The following SNX29 variants were observed in gnomAD, a reference collection of about 807,000 sequenced individuals.
SNX29 encodes sorting nexin 29.
In SNX29, 78 loss-of-function variants were observed where a neutral mutation model predicts 102.1. The observed-to-expected ratio is 0.76, with a 90% CI of 0.64 to 0.92. The LOEUF is 0.92. SNX29 is among the 40% of genes least tolerant of loss of function. SNX29 has a pLI of 0.00. For missense variants in SNX29, 1,280 were observed against 1,061.7 expected (o/e 1.21, Z -2.86); for synonymous variants, 580 against 414.5 (o/e 1.40, Z -4.85).
At chr16:12,299,394 T>C (rs894550386) in intron 15 of SNX29, among the ~76,000 whole-genome samples, 1 of 152,252 alleles carries the variant, frequency 6.6e-6, no homozygotes, top group Non-Finnish European at 1.5e-5. Context: ...AGTTGTCCTA[T>C]CTTCAGCCCA....
At chr16:12,267,245 A>AGTGTGTGTGTGTGT (rs59796551) in intron 14 of SNX29, among the ~76,000 whole-genome samples, 28 of 150,676 alleles carry the variant, frequency 1.9e-4, no homozygotes, top group Admixed American at 4.6e-4. Flanking sequence ...CATGGGTGCG[A>AGTGTGTGTGTGTGT]GTGTGTGTGT....
At chr16:12,002,859 G>T in intron 2 of SNX29, 132 bp from the exon 3 acceptor site, 1 of 919,760 alleles carries the variant, frequency 1.1e-6, no homozygotes, top group South Asian at 1.5e-5. Context: ...GGACAGGGAC[G>T]TCCTCACTTG....
chr16:12,565,748 G>T (rs1182586661), intron 20 of SNX29, among the ~76,000 whole-genome samples: 1 of 152,038 alleles, frequency 6.6e-6, no homozygotes, highest in Non-Finnish European at 1.5e-5. Context: ...CCTCCCCATG[G>T]GCCTGCCACC....
chr16:12,039,827 C>G (rs2057577331), intron 4 of SNX29, among the ~76,000 whole-genome samples: 1 of 152,192 alleles, frequency 6.6e-6, no homozygotes, highest in Non-Finnish European at 1.5e-5. Context: ...AACTGTGTTG[C>G]TGGGCGAGTC....
chr16:12,369,052 G>C (rs2082588239), intron 16 of SNX29, among the ~76,000 whole-genome samples: 1 of 151,988 alleles, frequency 6.6e-6, no homozygotes, highest in South Asian at 2.1e-4. Context: ...ACTGCCCCCA[G>C]ACTCCACTCA....
At chr16:12,106,368 G>A (rs935110088) in intron 11 of SNX29, among the ~76,000 whole-genome samples, 4 of 152,050 alleles carry the variant, frequency 2.6e-5, no homozygotes, top group Non-Finnish European at 5.9e-5. Context: ...ACTCTTCTTG[G>A]TGGTGCCATT....
chr16:12,232,181 T>C (rs1395632400), intron 14 of SNX29, among the ~76,000 whole-genome samples: 6 of 152,202 alleles, frequency 3.9e-5, no homozygotes, highest in Non-Finnish European at 7.4e-5. Context: ...AAAGGGCTTA[T>C]GGCCATTAAG....
At chr16:12,169,754 T>G (rs370517925) in intron 13 of SNX29, among the ~76,000 whole-genome samples, 1 of 151,962 alleles carries the variant, frequency 6.6e-6, no homozygotes, top group African/African-American at 2.4e-5. Flanking sequence ...CCAGCTACTT[T>G]GGGAGGCTGA....
At chr16:12,309,744 G>A (rs940402711) in intron 15 of SNX29, among the ~76,000 whole-genome samples, 1 of 152,166 alleles carries the variant, frequency 6.6e-6, no homozygotes, top group Non-Finnish European at 1.5e-5. Flanking sequence ...CCGCCAGTTA[G>A]TATCTGGCTG....
rs1038307208 is a variant in SNX29 at position 12,572,776 on chromosome 16, C to T, written c.*4147C>T. 7.5e-6 allele frequency: 8 copies of T among 1,063,724 alleles called. No homozygotes were observed. Among genetic ancestry groups the T allele is most frequent in the South Asian group, 9.1e-5 (2 of 21,982 alleles). The allele number at this position is 1,063,724 out of a possible 1,614,324, so 65.9% of individuals were successfully genotyped here. On this transcript the variant is annotated 3_prime_UTR_variant, in exon 21 of 21. Coordinates refer to ENST00000566228, the MANE Select transcript of SNX29 (RefSeq NM_032167.5). ...AGCTTCTGGGACCCGAGGAAGACCC[C>T]ACCTCACTCCTCCTTCCCCAGTACA... is the stretch of plus-strand genomic sequence containing the variant.
In SNX29 at chr16:12,543,151, C is replaced by A. The variant is rs145473797; in HGVS notation, c.2318+18310C>A. Among the ~76,000 whole-genome samples the A allele has an allele frequency of 3.9e-3, 596 of 152,268 alleles. 5 individuals carry two copies. Among genetic ancestry groups the A allele is most frequent in the African/African-American group, 0.014 (572 of 41,546 alleles). ...GATGGTTTAGATCCAGGCCCTGAAG[C>A]ATAAGTGTTCTCATCAGCTCCTGTA... On this transcript the variant is annotated intron_variant, in intron 20 of 20. Transcript: ENST00000566228.
chr16:12,223,591 G>C (rs1444896578), intron 14 of SNX29, among the ~76,000 whole-genome samples: 1 of 152,220 alleles, frequency 6.6e-6, no homozygotes, highest in African/African-American at 2.4e-5. Context: ...TTGAACCCAG[G>C]AGATGGAGGT....
chr16:12,565,062 A>C (rs1441973507), intron 20 of SNX29, among the ~76,000 whole-genome samples: 1 of 152,114 alleles, frequency 6.6e-6, no homozygotes, highest in African/African-American at 2.4e-5. Flanking sequence ...CCCTGTAGCA[A>C]AGGGGCCCAG....
At chr16:12,481,515 C>T (rs8044967) in intron 19 of SNX29, among the ~76,000 whole-genome samples, 15,109 of 68,714 alleles carry the variant, frequency 0.22, 1,005 homozygotes, top group African/African-American at 0.34. Flanking sequence ...TACATATAGA[C>T]ACACACACAC....
At chr16:12,065,217 C>T (rs542331939) in intron 9 of SNX29, among the ~76,000 whole-genome samples, 2 of 152,132 alleles carry the variant, frequency 1.3e-5, no homozygotes, top group African/African-American at 2.4e-5. Context: ...CAAGAGGAGA[C>T]CCCAGACAAG....
At chr16:12,348,072 T>C (rs2081870986) in intron 15 of SNX29, among the ~76,000 whole-genome samples, 1 of 151,180 alleles carries the variant, frequency 6.6e-6, no homozygotes, top group East Asian at 1.9e-4. Flanking sequence ...AATAAGACCT[T>C]GTCTCTGGAA....
At chr16:12,538,295 G>A (rs576973148) in intron 20 of SNX29, among the ~76,000 whole-genome samples, 1 of 151,778 alleles carries the variant, frequency 6.6e-6, no homozygotes, top group African/African-American at 2.4e-5. Context: ...TTGTATTTTT[G>A]TTTTTTAGTA....
chr16:12,554,235 C>A (rs574572504), intron 20 of SNX29, among the ~76,000 whole-genome samples: 1 of 152,220 alleles, frequency 6.6e-6, no homozygotes, highest in African/African-American at 2.4e-5. Context: ...GTGAACATCT[C>A]CCTCGGCTGC....
chr16:12,398,578 C>T, intron 17 of SNX29, 77 bp downstream of exon 17: 1 of 1,512,426 alleles, frequency 6.6e-7, no homozygotes, highest in African/African-American at 1.4e-5. Flanking sequence ...CAGAAGACCA[C>T]AGGGGGAAAC....
Sources: gnomAD v4.1 joint callset for allele counts (sites outside exome capture counted in the v4.1 genomes callset) on GRCh38, gnomAD v4.1.1 for gene constraint, MANE v1.5 for transcripts, NCBI Gene and HGNC (gene_info 2026-07-23, HGNC 2026-07-21) for gene names.